Variants in ZNF517 observed in about 807,000 individuals in gnomAD.
ZNF517 encodes zinc finger protein 517.
Under a neutral mutation model 12.1 loss-of-function variants are expected in ZNF517, and 12 were observed. The observed-to-expected ratio is 0.99, with a 90% CI of 0.63 to 1.61. The LOEUF (loss-of-function observed/expected upper bound fraction) is 1.61. Among genes scored for constraint, ZNF517 ranks in the 40% most tolerant of loss-of-function variants. The pLI, the probability that ZNF517 is intolerant of heterozygous loss-of-function variation, is 0.00. For missense variants in ZNF517, 781 were observed against 693.2 expected, an observed-to-expected ratio of 1.13 and a Z score of -1.42; for synonymous variants, 388 against 310.2, an observed-to-expected ratio of 1.25 and a Z score of -2.63.
At chr8:144,803,504 C>G in intron 2 of ZNF517, 137 bp from the exon 3 acceptor site, 1 of 1,229,798 alleles carries the variant, frequency 8.1e-7, no homozygotes, top group Non-Finnish European at 1.1e-6. Flanking sequence ...GTTGGGCTGC[C>G]CTTTCTCTGC....
chr8:144,802,545 T>G (rs564167496), intron 1 of ZNF517, among the ~76,000 whole-genome samples: 2 of 152,274 alleles, frequency 1.3e-5, no homozygotes, highest in Admixed American at 1.3e-4. Context: ...TTAACTTGTC[T>G]TATGTCAGAT....
rs1401711253 is a variant in ZNF517, at chr8:144,807,546, C to T, written c.630C>T (p.Cys210=). Residue 210 remains cysteine (C), a synonymous_variant, in exon 5 of 5, where the codon TGC becomes TGT. Coordinates refer to ENST00000359971, the MANE Select transcript of ZNF517 (RefSeq NM_213605.3). ...CCAAGCCCTTCCAGTGCACAGAGTG[C>T]GGGAAGGCCTTCAAGCAAAGCTCCA... ...TGAKPFQCTE[C]GKAFKQSSIL... is the part of the protein sequence containing the mutation. The T allele has an allele frequency of 3.8e-6, 6 of 1,597,732 alleles. No individual in the cohort carries two copies. Among genetic ancestry groups the T allele is most frequent in the East Asian group, 2.3e-5 (1 of 43,716 alleles).
At chr8:144,804,333 G>A in intron 4 of ZNF517, 95 bp downstream of exon 4, 1 of 878,402 alleles carries the variant, frequency 1.1e-6, no homozygotes. Context: ...AGTGGGAGGT[G>A]TGTATGTTTA....
chr8:144,804,621 G>A (rs1827132781), intron 4 of ZNF517, among the ~76,000 whole-genome samples: 1 of 152,128 alleles, frequency 6.6e-6, no homozygotes, highest in Non-Finnish European at 1.5e-5. Flanking sequence ...CTGGGCCTGG[G>A]GGACCACTGC....
chr8:144,799,129 A>G (rs966884671), intron 1 of ZNF517, among the ~76,000 whole-genome samples, 192 bp downstream of exon 1: 3 of 151,958 alleles, frequency 2.0e-5, no homozygotes, highest in Non-Finnish European at 4.4e-5. Context: ...GCCCCGGTCC[A>G]TGCTGGCTGT....
In ZNF517 at chr8:144,807,409, G is replaced by C; in HGVS notation, c.493G>C (p.Glu165Gln). ...EHSASPRVLQ[E>Q]DLGRPVGSSA... ...CAGCGCCTCCCCAAGGGTTCTGCAG[G>C]AAGACCTGGGCCGGCCTGTGGGGAG... Residue 165 changes from glutamate to glutamine, a missense_variant, in exon 5 of 5, where the codon GAA becomes CAA. Coordinates refer to ENST00000359971, the MANE Select transcript of ZNF517 (RefSeq NM_213605.3). 1 of 1,563,188 alleles carries C rather than the reference G, an allele frequency of 6.4e-7. No homozygotes were observed. Among genetic ancestry groups the C allele is most frequent in the Non-Finnish European group, 8.7e-7 (1 of 1,154,172 alleles).
intron 1 of ZNF517, chr8:144,800,694 CTG>C (rs1826916001): frequency 1.0e-6 from 1 of 985,276 alleles, no homozygotes; most frequent in Non-Finnish European, 1.2e-6. Context: ...CGTTTGCAGT[CTG>C]TGCCCTCTGT....
At chr8:144,804,520 C>T (rs550971125) in intron 4 of ZNF517, among the ~76,000 whole-genome samples, 5 of 152,138 alleles carry the variant, frequency 3.3e-5, no homozygotes, top group African/African-American at 9.6e-5. Flanking sequence ...AGGGACCAGC[C>T]CTACAGGGTC....
chr8:144,810,154 G>A, downstream of ZNF517: 1 of 697,856 alleles, frequency 1.4e-6, no homozygotes. Flanking sequence ...AGCCCTGCCA[G>A]CTCAGAAGGT....
In ZNF517 at chr8:144,807,836, A is replaced by G. The variant is rs764600344; in HGVS notation, c.920A>G (p.His307Arg). The change falls in exon 5 of 5, where the codon CAC becomes CGC. Residue 307 changes from histidine to arginine, a missense_variant. By Grantham distance (29) the His-to-Arg change is conservative (BLOSUM62 0). Transcript: ENST00000359971. The stretch of plus-strand genomic sequence containing the variant: ...TGCCGCAGGTTCACCCTCAACGAGC[A>G]CGGCCGCATCCACAGCGGGGAGCGG... Reference protein sequence around the residue: ...AFCRRFTLNEHGRIHSGERPY... With the variant: ...AFCRRFTLNERGRIHSGERPY... 1.1e-5 allele frequency: 17 copies of G among 1,603,612 alleles called. No homozygotes were observed. Among genetic ancestry groups the G allele is most frequent in the Non-Finnish European group, 1.4e-5 (17 of 1,175,334 alleles).
chr8:144,802,278 A>G (rs182923093), intron 1 of ZNF517, among the ~76,000 whole-genome samples: 2 of 152,292 alleles, frequency 1.3e-5, no homozygotes, highest in African/African-American at 4.8e-5. Context: ...AACCTTGGCC[A>G]TCCTGGGAGG....
chr8:144,803,081 A>G (rs1370942350), intron 2 of ZNF517, 134 bp downstream of exon 2: 19 of 1,174,260 alleles, frequency 1.6e-5, no homozygotes, highest in Non-Finnish European at 2.3e-5. Context: ...AGCCGAGGAC[A>G]GCCTCCTCGC....
chr8:144,813,315 CAAAAAAA>C (rs55851018), downstream of ZNF517, among the ~76,000 whole-genome samples: 2 of 103,922 alleles, frequency 1.9e-5, no homozygotes, highest in Non-Finnish European at 1.9e-5. Flanking sequence ...GACTCTGTCT[CAAAAAAA>C]AAAAAAAAAA....
In ZNF517 at chr8:144,808,371, G is replaced by A; in HGVS notation, c.1455G>A (p.Arg485=). The A allele has an allele frequency of 6.9e-7, 1 of 1,459,662 alleles. No individual in the cohort carries two copies. The highest frequency in any genetic ancestry group is 9.0e-7 in the Non-Finnish European group (1 of 1,105,256). The allele number at this position is 1,459,662 out of a possible 1,614,324, so 90.4% of individuals were successfully genotyped here. A position where few individuals can be genotyped will look rare whatever the true frequency, so the allele number is the denominator to read the frequency against. Residue 485 remains arginine, a synonymous_variant, in exon 5 of 5, where the codon AGG becomes AGA. Transcript: ENST00000359971. ...GREPGEDTEG[R]RAPCWAS is the part of the protein sequence containing the mutation. ...AGCCCGGGGAGGACACAGAGGGCAG[G>A]CGGGCGCCCTGTTGGGCTTCCTGAT...
chr8:144,804,153 C>G lies in ZNF517; in HGVS notation c.189C>G (p.Ile63Met). Residue 63 changes from isoleucine to methionine, a missense_variant, in exon 4 of 5, where the codon ATC becomes ATG. Transcript: ENST00000359971. ...LGFLVAKPAL[I>M]SLLEQGEEPG... Reference sequence around the variant, plus strand: ...TTCTTGTTGCCAAACCAGCACTGATCTCCCTATTGGAGCAAGGAGAGGAGC... The same window carrying G: ...TTCTTGTTGCCAAACCAGCACTGATGTCCCTATTGGAGCAAGGAGAGGAGC... 1 of 1,614,176 alleles carries G rather than the reference C, an allele frequency of 6.2e-7. No homozygotes were observed. Among genetic ancestry groups the G allele is most frequent in the Non-Finnish European group, 8.5e-7 (1 of 1,179,984 alleles).
chr8:144,806,473 A>T (rs1339647934), intron 4 of ZNF517, among the ~76,000 whole-genome samples: 1 of 151,540 alleles, frequency 6.6e-6, no homozygotes, highest in African/African-American at 2.4e-5. Flanking sequence ...CCCTGATTTT[A>T]TTTTATTTTT....
At chr8:144,804,066 C>T in intron 3 of ZNF517, 59 bp from the exon 4 acceptor site, 3 of 1,529,926 alleles carry the variant, frequency 2.0e-6, no homozygotes, top group Non-Finnish European at 2.7e-6. Context: ...CAGCCAGGCA[C>T]CTGGGCGTCC....
At position 144,809,812 on chromosome 8, in the gene ZNF517, G is replaced by A. The variant is rs977965945; in HGVS notation, c.*1417G>A. 33 of 197,730 alleles carry A rather than the reference G, an allele frequency of 1.7e-4. No individual in the cohort carries two copies. The highest frequency in any genetic ancestry group is 8.3e-4 in the Admixed American group (14 of 16,802). 12.2% of individuals were successfully genotyped at this position (197,730 alleles called of 1,614,324 possible). ...CTCCCCTGTAATCTCAGCATTTTGG[G>A]AGGCAGAGGTAGGTGGATCACCTGA... On this transcript the variant is annotated 3_prime_UTR_variant, in exon 5 of 5. Transcript: ENST00000359971.
intron 4 of ZNF517, among the ~76,000 whole-genome samples, chr8:144,806,919 ATAT>A (rs959241972): frequency 2.6e-5 from 4 of 151,214 alleles, no homozygotes; most frequent in African/African-American, 9.7e-5. Context: ...TACACCAAAA[ATAT>A]ATACAAGTTT....
Sources: gnomAD v4.1 joint callset for allele counts (sites outside exome capture counted in the v4.1 genomes callset) on GRCh38, gnomAD v4.1.1 for gene constraint, MANE v1.5 for transcripts, NCBI Gene and HGNC (gene_info 2026-07-23, HGNC 2026-07-21) for gene names.